WDR18: variants seen among roughly 807,000 people sequenced by gnomAD.
WDR18 encodes the protein WD repeat domain 18.
A neutral mutation model predicts 49.6 loss-of-function variants in WDR18; 33 were observed. That is an observed-to-expected ratio of 0.67 (90% CI 0.50 to 0.89). The LOEUF (loss-of-function observed/expected upper bound fraction) is 0.89, where lower values mean the gene tolerates loss of function less well. WDR18 is among the 40% of genes least tolerant of loss of function. The pLI is 0.00. For missense variants in WDR18, 653 were observed against 593.6 expected, an observed-to-expected ratio of 1.10 and a Z score of -1.04; for synonymous variants, 315 against 263.6, an observed-to-expected ratio of 1.19 and a Z score of -1.89.
rs2038564974 is a variant in WDR18 at position 992,052 on chromosome 19, G to C, written c.1029G>C (p.Leu343=). ...SLPLPHFNKH[L]LGAEHGDEPR... ...CGCTGCCCCACTTCAACAAGCACCT[G>C]CTGGGCGCCGAGCACGGGGACGAGC... The change falls in exon 8 of 10, where the codon CTG becomes CTC. Residue 343 remains leucine, a synonymous_variant. Coordinates refer to ENST00000585809, the MANE Select transcript of WDR18 (RefSeq NM_024100.4). The C allele has an allele frequency of 1.3e-6, 2 of 1,581,280 alleles. No individual in the cohort carries two copies. Among genetic ancestry groups the C allele is most frequent in the Admixed American group, 3.5e-5 (2 of 57,878 alleles).
chr19:983,853 A>G (rs183302637), upstream of WDR18, among the ~76,000 whole-genome samples: 1 of 152,072 alleles, frequency 6.6e-6, no homozygotes, highest in African/African-American at 2.4e-5. Flanking sequence ...CAGCCTGGGC[A>G]GGACAGTGAG....
chr19:990,706 A>T, intron 4 of WDR18, 146 bp from the exon 5 acceptor site: 1 of 1,245,898 alleles, frequency 8.0e-7, no homozygotes, highest in Non-Finnish European at 1.1e-6. Context: ...GGCCCCCAAG[A>T]CCCACATGGT....
chr19:986,709 G>A (rs1364983882), intron 2 of WDR18, among the ~76,000 whole-genome samples: 2 of 152,232 alleles, frequency 1.3e-5, no homozygotes, highest in Non-Finnish European at 2.9e-5. Context: ...TCTCAGCTCT[G>A]CCCTGGTGAG....
chr19:991,996 A>C lies in WDR18; in HGVS notation c.973A>C (p.Met325Leu), dbSNP rs1443718996. 7 of 1,597,890 alleles carry C rather than the reference A, an allele frequency of 4.4e-6. No homozygotes were observed. Residue 325 changes from methionine (M) to leucine (L), a missense_variant, in exon 8 of 10, where the codon ATG becomes CTG. Physicochemically the swap from Met to Leu is conservative, Grantham distance 15. Coordinates refer to ENST00000585809, the MANE Select transcript of WDR18 (RefSeq NM_024100.4). The part of the protein sequence containing the change: ...NAAILLAPVS[M>L]LSSDFRPSLP... ...CGCCATCCTGCTGGCGCCCGTCAGC[A>C]TGCTGAGCTCAGACTTCAGGCCCAG...
intron 4 of WDR18, 31 bp downstream of exon 4, chr19:990,395 G>T (rs754898798): frequency 1.5e-5 from 23 of 1,493,356 alleles, no homozygotes; most frequent in African/African-American, 2.8e-5. Flanking sequence ...CACGGTCCAT[G>T]AGCGGAGCCC....
chr19:984,212 G>C (rs570309136), upstream of WDR18: 570 of 900,280 alleles, frequency 6.3e-4, 5 homozygotes, highest in Non-Finnish European at 5.8e-4. Context: ...CACTTCACAA[G>C]AAAGCCCCTC....
intron 4 of WDR18, 179 bp downstream of exon 4, chr19:990,543 T>G: frequency 1.0e-6 from 1 of 1,003,784 alleles, no homozygotes; most frequent in Non-Finnish European, 1.4e-6. Flanking sequence ...TGGAAATTCC[T>G]ACTCATTCAC....
rs764828776 is a variant in WDR18, at chr19:994,282, C to A, written c.1237C>A (p.Arg413Ser). 4.9e-5 allele frequency: 79 copies of A among 1,610,470 alleles called. No homozygotes were observed. Among genetic ancestry groups the A allele is most frequent in the Non-Finnish European group, 6.3e-5 (74 of 1,179,188 alleles). The change falls in exon 10 of 10, where the codon CGC becomes AGC. Residue 413 changes from arginine (R) to serine (S), a missense_variant. By Grantham distance (110) the Arg-to-Ser change is moderately radical. Transcript: ENST00000585809. ...TELEDEVRNL[R>S]KINRDLFDFS... Reference sequence around the variant, plus strand: ...GCTGGAGGACGAGGTGCGCAACCTGCGCAAGATCAATCGGGACCTGTTCGA... The same window carrying A: ...GCTGGAGGACGAGGTGCGCAACCTGAGCAAGATCAATCGGGACCTGTTCGA...
upstream of WDR18, chr19:984,341 T>C: frequency 1.3e-6 from 2 of 1,497,742 alleles, no homozygotes; most frequent in Non-Finnish European, 1.8e-6. Context: ...TCCGGGGCGG[T>C]GGGGAAGGCA....
chr19:992,911 C>G (rs970838943), intron 8 of WDR18, among the ~76,000 whole-genome samples: 1 of 152,252 alleles, frequency 6.6e-6, no homozygotes, highest in Non-Finnish European at 1.5e-5. Context: ...CTCTTCTTAC[C>G]TGAGTACAGA....
chr19:993,460 G>T (rs957443676), intron 8 of WDR18, among the ~76,000 whole-genome samples: 19 of 152,210 alleles, frequency 1.2e-4, no homozygotes, highest in Admixed American at 4.6e-4. Context: ...TGTGACCCTT[G>T]TTCCAATCCA....
intron 8 of WDR18, among the ~76,000 whole-genome samples, chr19:992,437 C>T (rs1419079773): frequency 6.6e-6 from 1 of 152,248 alleles, no homozygotes; most frequent in Non-Finnish European, 1.5e-5. Flanking sequence ...AAGGCCGATG[C>T]CCCATACTTC....
chr19:984,620 G>T, intron 1 of WDR18, 57 bp downstream of exon 1: 1 of 1,370,984 alleles, frequency 7.3e-7, no homozygotes, highest in Non-Finnish European at 9.4e-7. Flanking sequence ...TGAAGTCGGG[G>T]GATGGGTTGG....
intron 4 of WDR18, 139 bp from the exon 5 acceptor site, chr19:990,713 T>C (rs1477423517): frequency 3.1e-6 from 4 of 1,294,376 alleles, no homozygotes; most frequent in African/African-American, 3.0e-5. Context: ...AAGACCCACA[T>C]GGTGACGGCT....
At chr19:989,537 C>G (rs541801768) in intron 2 of WDR18, among the ~76,000 whole-genome samples, 1 of 152,246 alleles carries the variant, frequency 6.6e-6, no homozygotes, top group African/African-American at 2.4e-5. Flanking sequence ...CAGGTGGGGA[C>G]GAGGCGGGAA....
At position 994,204 on chromosome 19, in the gene WDR18, C is replaced by T. The variant is rs768533966; in HGVS notation, c.1168-9C>T. On this transcript the variant is annotated splice_polypyrimidine_tract_variant and intron_variant, in intron 9 of 9. Coordinates refer to ENST00000585809, the MANE Select transcript of WDR18 (RefSeq NM_024100.4). ...CACTTCTGCCCTCTGACCCCGACTT[C>T]TCCCGCAGAGCGTGCTCGGCGGCCA... The T allele has an allele frequency of 2.5e-6, 4 of 1,595,236 alleles. No individual in the cohort carries two copies. The African/African-American group carries it at 4.0e-5, about 16-fold the overall frequency.
chr19:989,800 C>A lies in WDR18; in HGVS notation c.360C>A (p.His120Gln). Residue 120 changes from histidine (H) to glutamine (Q), a missense_variant, in exon 3 of 10, where the codon CAC (histidine) becomes CAA (glutamine). By Grantham distance (24) the His-to-Gln change is conservative. Transcript: ENST00000585809. Reference sequence around the variant, plus strand: ...ACCTTCTGGTCATCCTGAGTCGACACTACCAGGACGTCTCCTGCCTTCAGT... The same window carrying A: ...ACCTTCTGGTCATCCTGAGTCGACAATACCAGGACGTCTCCTGCCTTCAGT... ...TGNLLVILSR[H>Q]YQDVSCLQFT... The A allele has an allele frequency of 1.2e-6, 2 of 1,612,918 alleles. No individual in the cohort carries two copies. The highest frequency in any genetic ancestry group is 1.7e-6 in the Non-Finnish European group (2 of 1,179,910).
rs138607077 is a variant in WDR18 at position 990,981 on chromosome 19, G to A, written c.727G>A (p.Asp243Asn). ...CAGTGAGGGCTCCATCTTCCAGGTC[G>A]ACCTCTTCACCTGGGTGAGTGCCGC... ...GGSEGSIFQV[D>N]LFTWPGQRER... The change falls in exon 5 of 10, where the codon GAC becomes AAC. Residue 243 changes from aspartate (D) to asparagine (N), a missense_variant. Physicochemically the swap from Asp to Asn is conservative, Grantham distance 23. Transcript: ENST00000585809. The A allele has an allele frequency of 3.1e-6, 5 of 1,609,318 alleles. No individual in the cohort carries two copies. The highest frequency in any genetic ancestry group is 4.2e-6 in the Non-Finnish European group (5 of 1,177,944).
intron 2 of WDR18, among the ~76,000 whole-genome samples, chr19:987,829 G>GTTTTTTTTTTTTGTTTT (rs2038490847): frequency 1.1e-5 from 1 of 91,822 alleles, no homozygotes; most frequent in Non-Finnish European, 2.0e-5. Context: ...GCCGCCTCCA[G>GTTTTTTTTTTTTGTTTT]TTTTTTTTTT....
Sources: allele counts gnomAD v4.1 joint callset (sites outside exome capture counted in the v4.1 genomes callset), GRCh38; gene constraint gnomAD v4.1.1; transcripts MANE v1.5; gene names NCBI Gene and HGNC (gene_info 2026-07-23, HGNC 2026-07-21).